The following LAPTM4B variants were observed in gnomAD, a reference collection of about 807,000 sequenced individuals.
LAPTM4B encodes lysosomal protein transmembrane 4 beta.
Under a neutral mutation model 28.5 loss-of-function variants are expected in LAPTM4B, and 26 were observed. That is an observed-to-expected ratio of 0.91 (90% CI 0.67 to 1.27). The LOEUF (loss-of-function observed/expected upper bound fraction) is 1.27. Among genes scored for constraint, LAPTM4B ranks in the 50% most tolerant of loss-of-function variants. The pLI, the probability that LAPTM4B is intolerant of heterozygous loss-of-function variation, is 0.00. For missense variants in LAPTM4B, 288 were observed against 285.8 expected, an observed-to-expected ratio of 1.01 and a Z score of -0.06; for synonymous variants, 109 against 106.4, an observed-to-expected ratio of 1.02 and a Z score of -0.15.
intron 1 of LAPTM4B, among the ~76,000 whole-genome samples, chr8:97,798,064 G>A (rs1233658745): frequency 6.6e-6 from 1 of 152,100 alleles, no homozygotes; most frequent in Non-Finnish European, 1.5e-5. Context: ...TCAACTGTGG[G>A]CATTATGTAT....
At chr8:97,780,000 G>A (rs1203895815) in intron 1 of LAPTM4B, among the ~76,000 whole-genome samples, 2 of 145,952 alleles carry the variant, frequency 1.4e-5, no homozygotes, top group Admixed American at 7.0e-5. Context: ...GCCGTGAGCC[G>A]AGATCACGCC....
At chr8:97,813,156 G>T (rs11986678) in intron 2 of LAPTM4B, among the ~76,000 whole-genome samples, 2 of 152,240 alleles carry the variant, frequency 1.3e-5, no homozygotes, top group Admixed American at 1.3e-4. Context: ...AAGTTGAGGA[G>T]CAAGGAAGCC....
At chr8:97,827,506 A>G (rs117316647) in intron 6 of LAPTM4B, among the ~76,000 whole-genome samples, 1 of 152,168 alleles carries the variant, frequency 6.6e-6, no homozygotes, top group Non-Finnish European at 1.5e-5. Context: ...AAACCTCAGT[A>G]AGTGTTTCTG....
Position 97,840,077 on chromosome 8 carries a change from G to A in LAPTM4B, c.604-11320G>A, listed in dbSNP as rs1264556707. 5.3e-5 allele frequency among the ~76,000 whole-genome samples: 8 copies of A among 152,346 alleles called. No homozygotes were observed. In the East Asian group the frequency reaches 1.5e-3, roughly 29 times the overall value. On this transcript the variant is annotated intron_variant, in intron 6 of 6. Coordinates refer to ENST00000521545, the MANE Select transcript of LAPTM4B (RefSeq NM_018407.6). ...GTGAAGGAGATGTGTACAGTAGGTG[G>A]CGTAGCACATTCAGGCTTCAGGAAC...
rs1410419317 is a variant in LAPTM4B at position 97,844,315 on chromosome 8, C to T, written c.604-7082C>T. ...TCTTGCTATGTTGCCTAGGCTGGTC[C>T]TGAACTCCTGGGCTTAAACGATCTG... On this transcript the variant is annotated intron_variant, in intron 6 of 6. Coordinates refer to ENST00000521545, the MANE Select transcript of LAPTM4B (RefSeq NM_018407.6). Among the ~76,000 whole-genome samples, 4 of 152,140 alleles carry T rather than the reference C, an allele frequency of 2.6e-5. 1 individual carries two copies. Among genetic ancestry groups the T allele is most frequent in the African/African-American group, 9.6e-5 (4 of 41,470 alleles).
intron 5 of LAPTM4B, among the ~76,000 whole-genome samples, chr8:97,824,548 A>G (rs1478325439): frequency 6.6e-6 from 1 of 152,180 alleles, no homozygotes; most frequent in East Asian, 1.9e-4. Flanking sequence ...ATAAAGGGGA[A>G]ATGTTTTAGT....
chr8:97,837,662 A>C (rs1817282897), intron 6 of LAPTM4B, among the ~76,000 whole-genome samples: 1 of 152,108 alleles, frequency 6.6e-6, no homozygotes. Flanking sequence ...TCAGTCCTGT[A>C]CGCACCAAAT....
intron 6 of LAPTM4B, among the ~76,000 whole-genome samples, chr8:97,839,256 G>A (rs181536017): frequency 7.9e-5 from 12 of 152,014 alleles, no homozygotes; most frequent in African/African-American, 2.2e-4. Flanking sequence ...GTGCAATGGC[G>A]CGATCTCGGC....
chr8:97,835,235 T>G (rs1199473854), intron 6 of LAPTM4B, among the ~76,000 whole-genome samples: 1 of 152,222 alleles, frequency 6.6e-6, no homozygotes, highest in Non-Finnish European at 1.5e-5. Flanking sequence ...TAGTTTCAGG[T>G]TGACCTCTGT....
intron 1 of LAPTM4B, among the ~76,000 whole-genome samples, chr8:97,777,186 G>T (rs1180706727): frequency 2.3e-5 from 3 of 128,932 alleles, no homozygotes; most frequent in African/African-American, 9.0e-5. Context: ...TCACTCTGTG[G>T]CCCGGGCTGG....
intron 4 of LAPTM4B, among the ~76,000 whole-genome samples, 183 bp from the exon 5 acceptor site, chr8:97,818,957 C>A (rs11781700): frequency 0.46 from 69,423 of 151,628 alleles, 16,261 homozygotes; most frequent in East Asian, 0.58. Context: ...CCCTGGATAC[C>A]GATCACTGAC....
chr8:97,838,277 C>T (rs1476440444), intron 6 of LAPTM4B, among the ~76,000 whole-genome samples: 1 of 152,174 alleles, frequency 6.6e-6, no homozygotes, highest in Non-Finnish European at 1.5e-5. Context: ...CATTTGATGC[C>T]CTCATTTCCT....
At chr8:97,777,548 G>GA (rs762527433) in intron 1 of LAPTM4B, among the ~76,000 whole-genome samples, 13 of 151,996 alleles carry the variant, frequency 8.6e-5, no homozygotes, top group Non-Finnish European at 1.6e-4. Flanking sequence ...GTCTAACTGT[G>GA]AACCCCTTCC....
At chr8:97,810,869 C>CT (rs1484536843) in intron 2 of LAPTM4B, among the ~76,000 whole-genome samples, 2 of 152,160 alleles carry the variant, frequency 1.3e-5, no homozygotes, top group African/African-American at 4.8e-5. Flanking sequence ...ATGATGGCTA[C>CT]TTATATATAC....
At chr8:97,829,177 G>A (rs190604932) in intron 6 of LAPTM4B, among the ~76,000 whole-genome samples, 70 of 152,294 alleles carry the variant, frequency 4.6e-4, no homozygotes, top group Middle Eastern at 6.8e-3. Context: ...GGGGAGCTGC[G>A]TGGAGGGAGA....
chr8:97,817,686 A>G (rs7002214), intron 4 of LAPTM4B, among the ~76,000 whole-genome samples: 69,151 of 150,964 alleles, frequency 0.46, 16,170 homozygotes, highest in East Asian at 0.58. Flanking sequence ...TTAGCCTCAG[A>G]GGATCCACCC....
chr8:97,781,299 T>TTTTTTTTTG (rs1816308263), intron 1 of LAPTM4B, among the ~76,000 whole-genome samples: 3 of 139,532 alleles, frequency 2.2e-5, no homozygotes, highest in Admixed American at 7.3e-5. Context: ...TTTTTTTTTT[T>TTTTTTTTTG]GAGGAGTTTT....
chr8:97,781,076 G>A (rs1008206608), intron 1 of LAPTM4B, among the ~76,000 whole-genome samples: 2 of 151,036 alleles, frequency 1.3e-5, no homozygotes, highest in Admixed American at 6.6e-5. Flanking sequence ...CACAACCTCC[G>A]CCTCCTGGGT....
chr8:97,783,999 T>C (rs970377765), intron 1 of LAPTM4B, among the ~76,000 whole-genome samples: 1 of 152,186 alleles, frequency 6.6e-6, no homozygotes, highest in South Asian at 2.1e-4. Context: ...CTTCACCCCT[T>C]CACAAGCCTG....
Sources: allele counts gnomAD v4.1 joint callset (sites outside exome capture counted in the v4.1 genomes callset), GRCh38; gene constraint gnomAD v4.1.1; transcripts MANE v1.5; gene names NCBI Gene and HGNC (gene_info 2026-07-23, HGNC 2026-07-21).